The following MAP2K5 variants were observed in gnomAD, a reference collection of about 807,000 sequenced individuals.
MAP2K5 encodes dual specificity mitogen-activated protein kinase kinase 5.
MAP2K5 carries 49 observed loss-of-function variants against 83.1 expected under a neutral mutation model. That is an observed-to-expected ratio of 0.59 (90% confidence interval 0.47 to 0.75). The LOEUF (loss-of-function observed/expected upper bound fraction) is 0.75. MAP2K5 is among the 30% of genes least tolerant of loss of function. MAP2K5 has a pLI of 0.00. For missense variants in MAP2K5, 457 were observed against 557.5 expected, an observed-to-expected ratio of 0.82 and a Z score of 1.82; for synonymous variants, 202 against 191.8, an observed-to-expected ratio of 1.05 and a Z score of -0.44.
Position 67,665,292 on chromosome 15 carries a change from A to G in MAP2K5, c.847+647A>G, listed in dbSNP as rs1332437503. Among the ~76,000 whole-genome samples, 4 of 152,138 alleles carry G rather than the reference A, an allele frequency of 2.6e-5. No individual in the cohort carries two copies. Among genetic ancestry groups the G allele is most frequent in the South Asian group, 2.1e-4 (1 of 4,820 alleles). On this transcript the variant is annotated intron_variant, in intron 13 of 21. Transcript: ENST00000178640. This position sits in a 1 kb window ranked among gnomAD's most constrained non-coding sequence, Gnocchi z 4.2. The stretch of plus-strand genomic sequence containing the variant: ...ATGAGTGTTGAATATTGCAAAAGGA[A>G]TCTCCTTTTGTTTTTTTAATGTTCC...
chr15:67,634,389 A>AT (rs2086549996), intron 9 of MAP2K5, among the ~76,000 whole-genome samples: 4 of 102,688 alleles, frequency 3.9e-5, no homozygotes, highest in Non-Finnish European at 8.8e-5. Flanking sequence ...AAAAAAAAAA[A>AT]AAAAAAAAAA....
chr15:67,651,431 T>C (rs1407434918), intron 11 of MAP2K5, among the ~76,000 whole-genome samples: 1 of 152,184 alleles, frequency 6.6e-6, no homozygotes, highest in East Asian at 1.9e-4. Context: ...AAATTATTAA[T>C]TGTGATCACT....
intron 13 of MAP2K5, among the ~76,000 whole-genome samples, chr15:67,687,301 A>T (rs995367199): frequency 2.0e-5 from 3 of 152,194 alleles, no homozygotes; most frequent in African/African-American, 7.2e-5. Context: ...GAACACAAAA[A>T]GCTGTATTTT....
chr15:67,807,017 G>C lies in MAP2K5; in HGVS notation c.*267G>C. ...GGGCATTGAGAATGGAGGCTCCCAG[G>C]GTCCCTGCCCACTTCTGTTTTCCTA... On this transcript the variant is annotated 3_prime_UTR_variant, in exon 22 of 22. Coordinates refer to ENST00000178640, the MANE Select transcript of MAP2K5 (RefSeq NM_145160.3). This position sits in a 1 kb window ranked among gnomAD's most constrained non-coding sequence, Gnocchi z 5.1. 7.2e-7 allele frequency: 1 copy of C among 1,393,116 alleles called. No homozygotes were observed. The highest frequency in any genetic ancestry group is 9.5e-7 in the Non-Finnish European group (1 of 1,052,538). The allele number at this position is 1,393,116 out of a possible 1,614,324, so 86.3% of individuals were successfully genotyped here.
intron 2 of MAP2K5, among the ~76,000 whole-genome samples, chr15:67,554,002 G>A (rs1319906735): frequency 6.6e-6 from 1 of 151,954 alleles, no homozygotes; most frequent in African/African-American, 2.4e-5. Flanking sequence ...TGGCTTATGG[G>A]TATAATGGAA....
At chr15:67,611,695 C>A (rs2085928199) in intron 8 of MAP2K5, among the ~76,000 whole-genome samples, 1 of 152,110 alleles carries the variant, frequency 6.6e-6, no homozygotes, top group Admixed American at 6.6e-5. Context: ...GGATTCAGAC[C>A]AAGTCAAGGA....
intron 11 of MAP2K5, among the ~76,000 whole-genome samples, chr15:67,657,892 A>G (rs1034939962): frequency 5.9e-5 from 9 of 152,130 alleles, no homozygotes; most frequent in Non-Finnish European, 8.8e-5. Flanking sequence ...GAAGAATGAC[A>G]TACTTCATGT....
chr15:67,622,162 AAAG>A (rs1423891657), intron 8 of MAP2K5, among the ~76,000 whole-genome samples: 5 of 151,646 alleles, frequency 3.3e-5, no homozygotes, highest in Admixed American at 2.0e-4. Flanking sequence ...AAAAAAAAAA[AAAG>A]AAGATGAAGG....
At chr15:67,611,160 ATAAT>A (rs2085914855) in intron 8 of MAP2K5, among the ~76,000 whole-genome samples, 3 of 152,240 alleles carry the variant, frequency 2.0e-5, no homozygotes, top group Admixed American at 2.0e-4. Flanking sequence ...TTATTAAATC[ATAAT>A]TAAATTTTCA....
At chr15:67,795,360 C>T (rs184339171) in intron 21 of MAP2K5, among the ~76,000 whole-genome samples, 2 of 152,224 alleles carry the variant, frequency 1.3e-5, no homozygotes, top group African/African-American at 4.8e-5. Context: ...TAATATATGC[C>T]TATAAAGCTA....
rs562563553 is a variant in MAP2K5 at position 67,577,922 on chromosome 15, C to T, written c.253-2832C>T. 3.9e-5 allele frequency among the ~76,000 whole-genome samples: 6 copies of T among 152,136 alleles called. No homozygotes were observed. The highest frequency in any genetic ancestry group is 8.8e-5 in the Non-Finnish European group (6 of 68,012). ...GGCTGAGGCAGGAGAATTGCTTGAACCTGGGAGGTGTAGGTTGCAGTGGGC... is the reference window on the plus strand; with the variant it reads ...GGCTGAGGCAGGAGAATTGCTTGAATCTGGGAGGTGTAGGTTGCAGTGGGC... On this transcript the variant is annotated intron_variant, in intron 3 of 21. Coordinates refer to ENST00000178640, the MANE Select transcript of MAP2K5 (RefSeq NM_145160.3). The surrounding 1 kb of genome is among the most constrained non-coding windows in gnomAD (Gnocchi z 4.1).
Position 67,748,740 on chromosome 15 carries a change from T to A in MAP2K5, c.1134+139T>A. 1.4e-6 allele frequency: 1 copy of A among 700,328 alleles called. No individual in the cohort carries two copies. Among genetic ancestry groups the A allele is most frequent in the Non-Finnish European group, 2.4e-6 (1 of 419,262 alleles). The allele number at this position is 700,328 out of a possible 1,614,324, so 43.4% of individuals were successfully genotyped here. On this transcript the variant is annotated intron_variant, in intron 19 of 21. Coordinates refer to ENST00000178640, the MANE Select transcript of MAP2K5 (RefSeq NM_145160.3). The surrounding 1 kb of genome is among the most constrained non-coding windows in gnomAD (Gnocchi z 4.0). ...TTGTATGGCTCTGAGCTATGTTACG[T>A]GAACTGGCCTTGTCCTGAATCCCAC...
intron 21 of MAP2K5, among the ~76,000 whole-genome samples, chr15:67,803,320 A>ACAC (rs2090740045): frequency 6.6e-6 from 1 of 152,204 alleles, no homozygotes; most frequent in Non-Finnish European, 1.5e-5. Flanking sequence ...CAAGATGCCT[A>ACAC]GGGCATCTGG....
intron 13 of MAP2K5, among the ~76,000 whole-genome samples, chr15:67,684,639 C>T (rs2087904990): frequency 6.6e-6 from 1 of 152,098 alleles, no homozygotes; most frequent in Non-Finnish European, 1.5e-5. Context: ...TAGATGCCCC[C>T]CTCCCACACA....
intron 21 of MAP2K5, among the ~76,000 whole-genome samples, chr15:67,797,349 A>G (rs1480997732): frequency 6.6e-6 from 1 of 152,224 alleles, no homozygotes; most frequent in African/African-American, 2.4e-5. Flanking sequence ...AAGTACATCA[A>G]GAGTTGTGTC....
At chr15:67,635,225 G>A (rs370104122) in intron 9 of MAP2K5, among the ~76,000 whole-genome samples, 21 of 138,456 alleles carry the variant, frequency 1.5e-4, no homozygotes, top group East Asian at 6.3e-4. Flanking sequence ...TCGCTCTGTC[G>A]CCTAGGCTGG....
chr15:67,598,716 T>C (rs776096370), intron 7 of MAP2K5, among the ~76,000 whole-genome samples: 2 of 152,174 alleles, frequency 1.3e-5, no homozygotes, highest in Non-Finnish European at 2.9e-5. Flanking sequence ...ACCTACCCCT[T>C]TGCCTATGAA....
At chr15:67,679,383 T>C (rs1357227621) in intron 13 of MAP2K5, among the ~76,000 whole-genome samples, 1 of 152,050 alleles carries the variant, frequency 6.6e-6, no homozygotes, top group Non-Finnish European at 1.5e-5. Context: ...ATTTGGCCAA[T>C]TCAGTGGGGG....
intron 13 of MAP2K5, among the ~76,000 whole-genome samples, chr15:67,669,465 G>A (rs1377927831): frequency 6.6e-6 from 1 of 152,038 alleles, no homozygotes; most frequent in East Asian, 1.9e-4. Context: ...AACAGTTAGA[G>A]TAGACACCAC....
Sources: gnomAD v4.1 joint callset for allele counts (sites outside exome capture counted in the v4.1 genomes callset) on GRCh38, gnomAD v4.1.1 for gene constraint, Gnocchi (gnomAD v3.1) non-coding constraint, MANE v1.5 for transcripts, NCBI Gene and HGNC (gene_info 2026-07-23, HGNC 2026-07-21) for gene names.